Variants in SAMMSON observed in about 807,000 individuals in gnomAD.
SAMMSON encodes long intergenic non-protein coding RNA 1212.
intron 4 of SAMMSON, among the ~76,000 whole-genome samples, chr3:70,216,494 C>T (rs1027024166): frequency 1.3e-5 from 2 of 151,922 alleles, no homozygotes; most frequent in African/African-American, 2.4e-5. Flanking sequence ...AATAACTTAC[C>T]CAGAGTCACA....
Position 70,214,144 on chromosome 3 carries a change from G to T in SAMMSON, n.508-34963G>T, listed in dbSNP as rs372022597. ...TCAATTGCTACATCCTGATAGATTG[G>T]ATAAGACAAAACCTTGGGTTCATTA... is the stretch of plus-strand genomic sequence containing the variant. On this transcript the variant is annotated intron_variant and non_coding_transcript_variant, in intron 4 of 9. Coordinates refer to ENST00000642114, the Ensembl canonical transcript of SAMMSON. Among the ~76,000 whole-genome samples, 22 of 152,204 alleles carry T rather than the reference G, an allele frequency of 1.4e-4. 1 individual carries two copies. Among genetic ancestry groups the T allele is most frequent in the East Asian group, 9.7e-4 (5 of 5,160 alleles).
intron 4 of SAMMSON, among the ~76,000 whole-genome samples, chr3:70,218,965 A>G (rs1455026103): frequency 6.6e-6 from 1 of 151,328 alleles, no homozygotes; most frequent in Admixed American, 6.6e-5. Flanking sequence ...TAACAGGACA[A>G]TTTTATGAAG....
chr3:70,394,597 T>C (rs1014453942), downstream of SAMMSON, among the ~76,000 whole-genome samples: 5 of 152,138 alleles, frequency 3.3e-5, no homozygotes, highest in African/African-American at 1.2e-4. Context: ...TTTCTAGACA[T>C]GGATGGGTAA....
chr3:70,192,650 A>G (rs1045334857), intron 4 of SAMMSON, among the ~76,000 whole-genome samples: 2 of 152,232 alleles, frequency 1.3e-5, no homozygotes, highest in Non-Finnish European at 2.9e-5. Context: ...AGTCTTTAGA[A>G]CTAGCGTTGC....
At chr3:70,419,582 G>C (rs1247558574) in intron 2 of SAMMSON, among the ~76,000 whole-genome samples, 3 of 152,108 alleles carry the variant, frequency 2.0e-5, no homozygotes, top group East Asian at 1.9e-4. Context: ...GGTTATCTAA[G>C]AAATAAAAAC....
At chr3:70,245,671 TTATA>T (rs34480688) in intron 4 of SAMMSON, among the ~76,000 whole-genome samples, 6,031 of 57,016 alleles carry the variant, frequency 0.11, 168 homozygotes, top group Middle Eastern at 0.16. Flanking sequence ...GCAAACTGCT[TTATA>T]TATATATATA....
chr3:70,293,106 A>T (rs989182271), intron 7 of SAMMSON, among the ~76,000 whole-genome samples: 23 of 150,714 alleles, frequency 1.5e-4, no homozygotes, highest in Admixed American at 1.1e-3. Flanking sequence ...AAGAAAATTC[A>T]GTATTCACCA....
chr3:70,159,335 C>T lies in SAMMSON; in HGVS notation n.507+87770C>T, dbSNP rs187925411. Among the ~76,000 whole-genome samples, 480 of 151,880 alleles carry T rather than the reference C, an allele frequency of 3.2e-3. 1 individual carries two copies. The highest frequency in any genetic ancestry group is 6.1e-3 in the Admixed American group (93 of 15,236). On this transcript the variant is annotated intron_variant and non_coding_transcript_variant, in intron 4 of 9. Transcript: ENST00000642114. ...TGCTATCCCTCCCCCATCCCCCCACCCCACAAGAGGCCCCAGTGTGTGATG... is the reference window on the plus strand; with the variant it reads ...TGCTATCCCTCCCCCATCCCCCCACTCCACAAGAGGCCCCAGTGTGTGATG...
intron 2 of SAMMSON, among the ~76,000 whole-genome samples, chr3:70,428,772 G>A (rs9847607): frequency 0.45 from 68,477 of 151,846 alleles, 15,756 homozygotes; most frequent in African/African-American, 0.53. Flanking sequence ...GTACTTGATT[G>A]TTTTTTATTG....
At chr3:70,229,815 A>T (rs1435958954) in intron 4 of SAMMSON, among the ~76,000 whole-genome samples, 2 of 152,144 alleles carry the variant, frequency 1.3e-5, no homozygotes, top group East Asian at 1.9e-4. Flanking sequence ...TTAAATTTGG[A>T]TACTAAAATT....
chr3:70,104,292 T>C (rs917783782), intron 4 of SAMMSON, among the ~76,000 whole-genome samples: 1 of 151,906 alleles, frequency 6.6e-6, no homozygotes, highest in East Asian at 1.9e-4. Flanking sequence ...GCTGCGATAC[T>C]GTGCGCTAGT....
intron 3 of SAMMSON, chr3:70,013,966 G>A (rs926450022): frequency 1.3e-5 from 2 of 152,132 alleles, no homozygotes; most frequent in Admixed American, 6.5e-5. Flanking sequence ...GGAAATTGTT[G>A]CTTGGTTCCT....
chr3:70,140,763 A>G (rs1559521950), intron 4 of SAMMSON, among the ~76,000 whole-genome samples: 1 of 152,198 alleles, frequency 6.6e-6, no homozygotes, highest in Non-Finnish European at 1.5e-5. Flanking sequence ...AACACAATTC[A>G]ACCAAGTTCT....
chr3:70,343,112 A>T (rs1167957078), intron 7 of SAMMSON, among the ~76,000 whole-genome samples: 1 of 152,158 alleles, frequency 6.6e-6, no homozygotes, highest in Non-Finnish European at 1.5e-5. Context: ...CTTTAGATTT[A>T]CAGAAAAATT....
intron 6 of SAMMSON, among the ~76,000 whole-genome samples, chr3:70,252,746 A>G (rs1190277245): frequency 6.6e-6 from 1 of 152,062 alleles, no homozygotes; most frequent in Non-Finnish European, 1.5e-5. Context: ...GGTTCTGTGG[A>G]TACATCAGTG....
chr3:70,034,612 G>A (rs1476993706), intron 3 of SAMMSON, among the ~76,000 whole-genome samples: 4 of 152,118 alleles, frequency 2.6e-5, no homozygotes, highest in African/African-American at 4.8e-5. Context: ...GGGAGGCCAC[G>A]GTGGGCTGAT....
At chr3:70,343,395 G>C (rs927345005) in intron 7 of SAMMSON, among the ~76,000 whole-genome samples, 5 of 151,922 alleles carry the variant, frequency 3.3e-5, no homozygotes, top group African/African-American at 1.2e-4. Context: ...TCTTTACTGT[G>C]AGTGTTTTCA....
chr3:70,187,320 A>C (rs114428948), intron 4 of SAMMSON, among the ~76,000 whole-genome samples: 7 of 147,766 alleles, frequency 4.7e-5, no homozygotes, highest in Non-Finnish European at 1.0e-4. Flanking sequence ...TACAAACCCT[A>C]TTTATCCAGG....
intron 4 of SAMMSON, chr3:70,183,901 G>A (rs1368623108): frequency 3.3e-5 from 5 of 152,170 alleles, no homozygotes; most frequent in Non-Finnish European, 2.9e-5. Context: ...CGAAACAAAG[G>A]GAAAGATAAG....
Sources: allele counts gnomAD v4.1 joint callset (sites outside exome capture counted in the v4.1 genomes callset), GRCh38; gene constraint gnomAD v4.1.1; transcripts MANE v1.5; gene names NCBI Gene and HGNC (gene_info 2026-07-23, HGNC 2026-07-21).